Variants in DPF3 observed in about 807,000 individuals in gnomAD.
DPF3 encodes the protein double PHD fingers 3.
Under a neutral mutation model 56.8 loss-of-function variants are expected in DPF3, and 18 were observed. The observed-to-expected ratio is 0.32, with a 90% confidence interval of 0.22 to 0.47. The LOEUF (loss-of-function observed/expected upper bound fraction) is 0.47. DPF3 is among the 20% of genes least tolerant of loss of function. The probability of loss-of-function intolerance (pLI) is 1.00; values close to 1 mark genes in which losing one functional copy is unlikely to be tolerated. For synonymous variants in DPF3, 188 were observed against 180.2 expected, an observed-to-expected ratio of 1.04 and a Z score of -0.35; for missense variants, 403 against 488.8, an observed-to-expected ratio of 0.82 and a Z score of 1.65.
At chr14:72,640,562 A>T (rs1885526779) in intron 8 of DPF3, among the ~76,000 whole-genome samples, 1 of 152,230 alleles carries the variant, frequency 6.6e-6, no homozygotes, top group South Asian at 2.1e-4. Context: ...GGATGAAAGG[A>T]GGAAACATTT....
intron 1 of DPF3, among the ~76,000 whole-genome samples, chr14:72,853,846 C>T (rs1356738730): frequency 2.0e-5 from 3 of 152,112 alleles, no homozygotes; most frequent in Non-Finnish European, 4.4e-5. Context: ...CTACAATGTA[C>T]CACGTCAAGA....
chr14:72,692,761 A>G (rs1241987298), intron 7 of DPF3, among the ~76,000 whole-genome samples: 1 of 152,198 alleles, frequency 6.6e-6, no homozygotes, highest in Non-Finnish European at 1.5e-5. Context: ...TTCAGGAGTG[A>G]GGGAAAAGAG....
chr14:72,645,681 G>C (rs528831349), intron 8 of DPF3, among the ~76,000 whole-genome samples: 2 of 152,200 alleles, frequency 1.3e-5, no homozygotes, highest in East Asian at 1.9e-4. Context: ...CCTCTTTGCT[G>C]TCTGGCCACA....
rs184025065 is a variant in DPF3, at chr14:72,851,456, T to G, written c.32+42601A>C. Among the ~76,000 whole-genome samples, 387 of 152,282 alleles carry G rather than the reference T, an allele frequency of 2.5e-3. 2 individuals carry two copies. Among genetic ancestry groups the G allele is most frequent in the African/African-American group, 8.9e-3 (368 of 41,570 alleles). On this transcript the variant is annotated intron_variant, in intron 1 of 10. Transcript: ENST00000556509. ...AGGTTGCCGTTTCCATTTCTTTGAT[T>G]AAACAACTCTAACAAAGAATTCATT...
chr14:72,891,897 A>C (rs541041864), intron 1 of DPF3, among the ~76,000 whole-genome samples: 1 of 152,296 alleles, frequency 6.6e-6, no homozygotes, highest in East Asian at 1.9e-4. Flanking sequence ...ACTGTTTCTA[A>C]TTATACAAAG....
At chr14:72,723,582 G>T in intron 5 of DPF3, 51 bp downstream of exon 5, 1 of 1,465,298 alleles carries the variant, frequency 6.8e-7, no homozygotes, top group Non-Finnish European at 9.2e-7. Context: ...CGTTGGCCGG[G>T]CACCCCAGCC....
chr14:72,871,139 A>C (rs2332923), intron 1 of DPF3, among the ~76,000 whole-genome samples: 1 of 152,066 alleles, frequency 6.6e-6, no homozygotes, highest in Admixed American at 6.6e-5. Flanking sequence ...AGGAAAGACC[A>C]GCCCCCATGA....
intron 8 of DPF3, among the ~76,000 whole-genome samples, chr14:72,654,215 A>G (rs1886002477): frequency 6.7e-6 from 1 of 149,546 alleles, no homozygotes; most frequent in Non-Finnish European, 1.5e-5. Context: ...TCTTCCTTCC[A>G]CTCCATTCAC....
At chr14:72,866,618 A>C (rs1459347613) in intron 1 of DPF3, among the ~76,000 whole-genome samples, 1 of 150,028 alleles carries the variant, frequency 6.7e-6, no homozygotes, top group African/African-American at 2.4e-5. Flanking sequence ...GCACTTTGGG[A>C]GGCCGAGGAG....
chr14:72,709,382 T>C (rs1232890343), intron 6 of DPF3, among the ~76,000 whole-genome samples: 1 of 152,128 alleles, frequency 6.6e-6, no homozygotes, highest in Admixed American at 6.5e-5. Flanking sequence ...ATGCCGTAGT[T>C]GGGGGGCAGT....
intron 1 of DPF3, among the ~76,000 whole-genome samples, chr14:72,846,251 C>T: frequency 6.6e-6 from 1 of 150,982 alleles, no homozygotes; most frequent in Non-Finnish European, 1.5e-5. Flanking sequence ...GCTGGGATTA[C>T]AGGCACGTGC....
intron 1 of DPF3, among the ~76,000 whole-genome samples, chr14:72,881,536 G>A (rs61988480): frequency 6.6e-6 from 1 of 152,158 alleles, no homozygotes. Context: ...AGGTCTTGGG[G>A]GTAGGAGGAA....
chr14:72,869,680 G>A (rs925667587), intron 1 of DPF3, among the ~76,000 whole-genome samples: 9 of 152,086 alleles, frequency 5.9e-5, no homozygotes, highest in South Asian at 2.1e-4. Flanking sequence ...ATGTGGGGAC[G>A]GAAAAAGAGG....
chr14:72,705,606 T>C (rs1888370312), intron 6 of DPF3, among the ~76,000 whole-genome samples: 1 of 152,130 alleles, frequency 6.6e-6, no homozygotes, highest in Non-Finnish European at 1.5e-5. Context: ...GCAACCCTGG[T>C]CTAACTCTGT....
intron 8 of DPF3, among the ~76,000 whole-genome samples, chr14:72,666,996 C>A (rs1406542232): frequency 6.6e-6 from 1 of 152,186 alleles, no homozygotes; most frequent in Non-Finnish European, 1.5e-5. Context: ...CCCTTTAGTT[C>A]TCTCCCTGAG....
intron 1 of DPF3, among the ~76,000 whole-genome samples, chr14:72,815,373 C>A (rs1447773807): frequency 6.6e-6 from 1 of 152,232 alleles, no homozygotes. Flanking sequence ...ACGACTCTTA[C>A]ACACTGCGTG....
intron 9 of DPF3, among the ~76,000 whole-genome samples, chr14:72,621,802 G>T (rs1038780417): frequency 6.6e-6 from 1 of 152,226 alleles, no homozygotes; most frequent in Non-Finnish European, 1.5e-5. Context: ...GATGGGGAGA[G>T]TGATAGGGAA....
chr14:72,849,429 C>G (rs1300818292), intron 1 of DPF3, among the ~76,000 whole-genome samples: 3 of 152,208 alleles, frequency 2.0e-5, no homozygotes, highest in Non-Finnish European at 2.9e-5. Flanking sequence ...TCCTTGACCT[C>G]TGCACTCTTC....
chr14:72,721,434 C>T (rs939491518), intron 5 of DPF3, among the ~76,000 whole-genome samples: 4 of 152,132 alleles, frequency 2.6e-5, no homozygotes, highest in African/African-American at 9.7e-5. Context: ...TGGGAGTTCA[C>T]CAAAGGCCCA....
Sources: gnomAD v4.1 joint callset for allele counts (sites outside exome capture counted in the v4.1 genomes callset) on GRCh38, gnomAD v4.1.1 for gene constraint, MANE v1.5 for transcripts, NCBI Gene and HGNC (gene_info 2026-07-23, HGNC 2026-07-21) for gene names.